The following CDK14 variants were observed in gnomAD, a reference collection of about 807,000 sequenced individuals.
CDK14 encodes cyclin dependent kinase 14.
Under a neutral mutation model 60.7 loss-of-function variants are expected in CDK14, and 34 were observed. The observed-to-expected ratio is 0.56, with a 90% confidence interval of 0.43 to 0.75. CDK14 has a LOEUF of 0.75. Among genes scored for constraint, CDK14 ranks in the 30% least tolerant of loss-of-function variants. The pLI is 0.00. For synonymous variants in CDK14, 197 were observed against 203.7 expected, an observed-to-expected ratio of 0.97 and a Z score of 0.28; for missense variants, 482 against 564.1, an observed-to-expected ratio of 0.85 and a Z score of 1.47.
chr7:91,063,595 A>G (rs1797874693), intron 11 of CDK14, among the ~76,000 whole-genome samples: 1 of 152,238 alleles, frequency 6.6e-6, no homozygotes, highest in Admixed American at 6.5e-5. Flanking sequence ...CAACTGTAAA[A>G]AAGGAGGACA....
At chr7:91,039,461 G>A (rs561411641) in intron 10 of CDK14, among the ~76,000 whole-genome samples, 2 of 152,248 alleles carry the variant, frequency 1.3e-5, no homozygotes, top group Admixed American at 6.5e-5. Flanking sequence ...CATAAGGATG[G>A]CCAGTGAAAA....
intron 14 of CDK14, among the ~76,000 whole-genome samples, chr7:91,141,864 C>T (rs979796557): frequency 1.1e-4 from 17 of 151,902 alleles, no homozygotes; most frequent in African/African-American, 4.1e-4. Context: ...CTCACTCTGT[C>T]ACCCAGGCTG....
intron 12 of CDK14, among the ~76,000 whole-genome samples, chr7:91,090,304 G>A (rs1387844899): frequency 1.3e-5 from 2 of 152,088 alleles, no homozygotes; most frequent in Admixed American, 6.6e-5. Context: ...TCTAGAAGCT[G>A]CGTTACATAT....
At chr7:90,683,199 G>A (rs10270003) in intron 2 of CDK14, among the ~76,000 whole-genome samples, 130,719 of 152,090 alleles carry the variant, frequency 0.86, 56,477 homozygotes, top group East Asian at 1. Flanking sequence ...CTTCTCACGT[G>A]CAAGATCCCC....
chr7:91,175,275 AC>A (rs1408944223), intron 14 of CDK14, among the ~76,000 whole-genome samples: 1 of 152,166 alleles, frequency 6.6e-6, no homozygotes, highest in Admixed American at 6.5e-5. Flanking sequence ...TTTTGTCACC[AC>A]CAGGCCTGCC....
chr7:90,691,425 C>G (rs1238475424), intron 2 of CDK14, among the ~76,000 whole-genome samples: 1 of 152,024 alleles, frequency 6.6e-6, no homozygotes. Context: ...GAAGAAGTGA[C>G]CCATGAGGCT....
At chr7:90,616,779 T>C (rs1023342935) in intron 2 of CDK14, among the ~76,000 whole-genome samples, 3 of 152,180 alleles carry the variant, frequency 2.0e-5, no homozygotes, top group Admixed American at 6.5e-5. Context: ...TTAAAACCCA[T>C]AAAAGTGACA....
chr7:90,981,695 G>T (rs1313029236), intron 9 of CDK14, among the ~76,000 whole-genome samples: 1 of 152,096 alleles, frequency 6.6e-6, no homozygotes, highest in Non-Finnish European at 1.5e-5. Flanking sequence ...TGGAAGAAGT[G>T]TCCCAATATG....
At chr7:91,010,796 CCTT>C (rs1447573770) in intron 10 of CDK14, among the ~76,000 whole-genome samples, 1 of 114,624 alleles carries the variant, frequency 8.7e-6, no homozygotes, top group Non-Finnish European at 1.8e-5. Context: ...TTCCCTCCTT[CCTT>C]CTTTCCTTCC....
intron 2 of CDK14, among the ~76,000 whole-genome samples, chr7:90,642,275 G>T (rs1800356120): frequency 6.6e-6 from 1 of 152,198 alleles, no homozygotes. Flanking sequence ...AAATACACAT[G>T]TGATGAACTG....
chr7:91,149,711 AT>A (rs1800776194), intron 14 of CDK14, among the ~76,000 whole-genome samples: 1 of 152,218 alleles, frequency 6.6e-6, no homozygotes, highest in African/African-American at 2.4e-5. Flanking sequence ...TGTTGGTTTC[AT>A]TAGCTAGCTC....
intron 2 of CDK14, among the ~76,000 whole-genome samples, chr7:90,659,979 C>T (rs186988691): frequency 2.0e-4 from 31 of 151,962 alleles, no homozygotes; most frequent in African/African-American, 7.2e-4. Flanking sequence ...TTGGACTCCA[C>T]TAATTAGAAA....
At chr7:90,727,838 G>A (rs1040946562) in intron 3 of CDK14, among the ~76,000 whole-genome samples, 2 of 151,866 alleles carry the variant, frequency 1.3e-5, no homozygotes, top group Non-Finnish European at 2.9e-5. Context: ...TAGTCATAAG[G>A]CGTCCTTTTC....
chr7:90,664,575 A>G (rs565819197), intron 2 of CDK14, among the ~76,000 whole-genome samples: 11 of 152,238 alleles, frequency 7.2e-5, no homozygotes, highest in South Asian at 2.1e-4. Flanking sequence ...TTAAGAAAAT[A>G]TGGCACATAT....
At chr7:90,859,176 G>A (rs1243577767) in intron 5 of CDK14, among the ~76,000 whole-genome samples, 1 of 152,160 alleles carries the variant, frequency 6.6e-6, no homozygotes, top group Non-Finnish European at 1.5e-5. Flanking sequence ...ATTCAGTTCC[G>A]GAGGGAACAC....
chr7:91,014,396 G>T (rs1796245326), intron 10 of CDK14, among the ~76,000 whole-genome samples: 1 of 152,110 alleles, frequency 6.6e-6, no homozygotes, highest in African/African-American at 2.4e-5. Context: ...AACAGAATTT[G>T]ATATTACTTT....
intron 12 of CDK14, among the ~76,000 whole-genome samples, chr7:91,088,843 GATCATAA>G (rs1481718401): frequency 6.6e-6 from 1 of 152,026 alleles, no homozygotes; most frequent in Non-Finnish European, 1.5e-5. Flanking sequence ...GAAAACATTT[GATCATAA>G]ATTCAATTAA....
At chr7:91,028,194 G>C (rs912864343) in intron 10 of CDK14, among the ~76,000 whole-genome samples, 5 of 151,208 alleles carry the variant, frequency 3.3e-5, no homozygotes, top group African/African-American at 1.2e-4. Context: ...ATGGCCTCCA[G>C]TTCCATCCAA....
At chr7:90,811,462 T>G (rs992336875) in intron 5 of CDK14, among the ~76,000 whole-genome samples, 3 of 152,120 alleles carry the variant, frequency 2.0e-5, no homozygotes, top group Admixed American at 1.3e-4. Flanking sequence ...ATACAAAAAA[T>G]AATTCAAGAT....
Sources: allele counts gnomAD v4.1 joint callset (sites outside exome capture counted in the v4.1 genomes callset), GRCh38; gene constraint gnomAD v4.1.1; transcripts MANE v1.5; gene names NCBI Gene and HGNC (gene_info 2026-07-23, HGNC 2026-07-21).